Variants in IGF2R observed in about 807,000 individuals in gnomAD.
The protein encoded by IGF2R is insulin like growth factor 2 receptor, also known as cation-independent mannose-6-phosphate receptor.
A neutral mutation model predicts 270.6 loss-of-function variants in IGF2R; 91 were observed. The observed-to-expected ratio is 0.34, with a 90% CI of 0.28 to 0.40. IGF2R has a LOEUF of 0.40. Ranked by LOEUF, IGF2R falls within the 10% of genes least tolerant of loss-of-function variation. The probability of loss-of-function intolerance (pLI) is 1.00; values close to 1 mark genes in which losing one functional copy is unlikely to be tolerated. For synonymous variants in IGF2R, 1,316 were observed against 1,258.9 expected (o/e 1.05, Z -0.96); for missense variants, 2,805 against 3,188.3 (o/e 0.88, Z 2.90).
In IGF2R at chr6:160,079,360, C is replaced by G. The variant is rs8191902; in HGVS notation, c.5479-220C>G. Among the ~76,000 whole-genome samples, 862 of 152,284 alleles carry G rather than the reference C, an allele frequency of 5.7e-3. 10 individuals carry two copies. The highest frequency in any genetic ancestry group is 0.019 in the African/African-American group (797 of 41,558). Reference sequence around the variant, plus strand: ...TGGCAGGGGTGGCCGAGGCCCCCAGCAGGGAGCAGGAGGAGCAAGCAAGCT... The same window carrying G: ...TGGCAGGGGTGGCCGAGGCCCCCAGGAGGGAGCAGGAGGAGCAAGCAAGCT... On this transcript the variant is annotated intron_variant, in intron 37 of 47. Transcript: ENST00000356956.
At chr6:160,044,480 C>T in intron 12 of IGF2R, 34 bp from the exon 13 acceptor site, 1 of 1,525,498 alleles carries the variant, frequency 6.6e-7, no homozygotes, top group Non-Finnish European at 9.0e-7. Context: ...CATTTTTAAC[C>T]ACATCTTCTG....
intron 7 of IGF2R, among the ~76,000 whole-genome samples, chr6:160,031,836 C>T (rs1777704077): frequency 1.3e-5 from 2 of 152,178 alleles, no homozygotes; most frequent in African/African-American, 4.8e-5. Flanking sequence ...GTGCTAAGCC[C>T]AGTAAGTCGT....
chr6:160,038,383 T>G (rs1686600795), intron 10 of IGF2R, among the ~76,000 whole-genome samples: 1 of 152,224 alleles, frequency 6.6e-6, no homozygotes, highest in South Asian at 2.1e-4. Context: ...TCTGCTAAAA[T>G]TCTTTGAGGA....
rs769597913 is a variant in IGF2R at position 160,105,081 on chromosome 6, C to T, written c.7473C>T (p.Ile2491=). The T allele has an allele frequency of 4.5e-6, 7 of 1,571,120 alleles. No individual in the cohort carries two copies. The highest frequency in any genetic ancestry group is 6.0e-6 in the Non-Finnish European group (7 of 1,157,784). The change falls in exon 48 of 48, where the codon ATC becomes ATT. Residue 2491 remains isoleucine (I), a synonymous_variant. Coordinates refer to ENST00000356956, the MANE Select transcript of IGF2R (RefSeq NM_000876.4). ...ACAGCGACGAGGACCTCTTACACAT[C>T]TGACTCCGCAGTGCCTGCAGGGGAG... ...HDDSDEDLLH[I]
intron 1 of IGF2R, among the ~76,000 whole-genome samples, chr6:159,988,481 C>T (rs1401664862): frequency 6.9e-6 from 1 of 144,576 alleles, no homozygotes; most frequent in East Asian, 2.0e-4. Flanking sequence ...CCACTGCACT[C>T]CAGCCTGGGC....
At chr6:160,095,964 G>A (rs1404218248) in intron 44 of IGF2R, 2 of 152,466 alleles carry the variant, frequency 1.3e-5, no homozygotes, top group African/African-American at 4.8e-5. Context: ...AATGAATGAG[G>A]AATTCTTTAT....
At chr6:160,007,826 G>A (rs6455679) in intron 2 of IGF2R, among the ~76,000 whole-genome samples, 31,502 of 152,118 alleles carry the variant, frequency 0.21, 3,964 homozygotes, top group East Asian at 0.57. Context: ...TCTTTAAGCT[G>A]TTTTTTGATG....
At chr6:160,071,248 C>CTT (rs1562367030) in intron 31 of IGF2R, among the ~76,000 whole-genome samples, 8 of 133,282 alleles carry the variant, frequency 6.0e-5, no homozygotes, top group African/African-American at 2.3e-4. Flanking sequence ...TGTCGAGGCC[C>CTT]CTGTGCCCAG....
rs781099560 is a variant in IGF2R, at chr6:160,050,514, G to A, written c.2556G>A (p.Met852Ile). 1 of 1,613,740 alleles carries A rather than the reference G, an allele frequency of 6.2e-7. No homozygotes were observed. The highest frequency in any genetic ancestry group is 1.3e-5 in the African/African-American group (1 of 74,924). Residue 852 changes from methionine (M) to isoleucine (I), a missense_variant, in exon 19 of 48, where the codon ATG becomes ATA. This residue lies in a region of IGF2R where 1,851 missense variants were observed against 2,207.2 expected (regional missense o/e 0.84). Transcript: ENST00000356956. This position sits in a 1 kb window ranked among gnomAD's most constrained non-coding sequence, Gnocchi z 4.0. Reference sequence around the variant, plus strand: ...TGGTTTCCATCAGTAACTTGGGAATGGCAAAGACCGGCCCGGTGGTTGAGG... The same window carrying A: ...TGGTTTCCATCAGTAACTTGGGAATAGCAAAGACCGGCCCGGTGGTTGAGG... ...TEVVSISNLG[M>I]AKTGPVVEDS...
Position 160,064,832 on chromosome 6 carries a change from G to A in IGF2R, c.4046G>A (p.Cys1349Tyr), listed in dbSNP as rs2115265682. 6.2e-7 allele frequency: 1 copy of A among 1,613,544 alleles called. No homozygotes were observed. Among genetic ancestry groups the A allele is most frequent in the Non-Finnish European group, 8.5e-7 (1 of 1,179,436 alleles). The change falls in exon 29 of 48, where the codon TGT becomes TAT. Residue 1349 changes from cysteine (C) to tyrosine (Y), a missense_variant. By Grantham distance (194) the Cys-to-Tyr change is radical. Around this residue, in one of 2 missense-constraint regions of IGF2R, gnomAD observed 1,851 missense variants for 2,207.2 expected, o/e 0.84. Transcript: ENST00000356956. Reference sequence around the variant, plus strand: ...GTATTTCTAAAGGAGACTTCAGATTGTTCCTACTTGTTTGAGTGGCGAACG... The same window carrying A: ...GTATTTCTAAAGGAGACTTCAGATTATTCCTACTTGTTTGAGTGGCGAACG... ...RPVFLKETSDCSYLFEWRTQY... is the reference protein window; with the variant it reads ...RPVFLKETSDYSYLFEWRTQY...
chr6:160,071,334 G>A (rs1778733841), intron 31 of IGF2R, among the ~76,000 whole-genome samples: 1 of 141,096 alleles, frequency 7.1e-6, no homozygotes, highest in African/African-American at 2.6e-5. Flanking sequence ...CTGGACTGCA[G>A]CGTGGCTTAT....
intron 44 of IGF2R, chr6:160,093,311 C>T: frequency 4.2e-6 from 1 of 237,474 alleles, no homozygotes; most frequent in Non-Finnish European, 8.4e-6. Context: ...GCTCCGTATC[C>T]TGTCATTAGC....
Position 160,032,584 on chromosome 6 carries a change from T to C in IGF2R, c.916T>C (p.Cys306Arg). Reference sequence around the variant, plus strand: ...TCCCAAACTCACAGCTAAATCCAACTGCCGCTATGAAATTGAGTGGATTAC... The same window carrying C: ...TCCCAAACTCACAGCTAAATCCAACCGCCGCTATGAAATTGAGTGGATTAC... The part of the protein sequence containing the change: ...TIPKLTAKSN[C>R]RYEIEWITEY... Residue 306 changes from cysteine to arginine, a missense_variant, in exon 8 of 48, where the codon TGC becomes CGC. Coordinates refer to ENST00000356956, the MANE Select transcript of IGF2R (RefSeq NM_000876.4). The C allele has an allele frequency of 6.2e-7, 1 of 1,614,138 alleles. No individual in the cohort carries two copies. Among genetic ancestry groups the C allele is most frequent in the Non-Finnish European group, 8.5e-7 (1 of 1,180,002 alleles).
intron 39 of IGF2R, among the ~76,000 whole-genome samples, chr6:160,082,651 T>C (rs908207697): frequency 3.3e-5 from 5 of 152,146 alleles, no homozygotes; most frequent in African/African-American, 1.2e-4. Flanking sequence ...TGGTCAAATA[T>C]TGAATACCCG....
intron 17 of IGF2R, 103 bp downstream of exon 17, chr6:160,048,010 G>T: frequency 1.3e-6 from 1 of 799,894 alleles, no homozygotes; most frequent in South Asian, 1.4e-5. Flanking sequence ...GAGTGATGCT[G>T]GCTGTGGGGC....
intron 4 of IGF2R, among the ~76,000 whole-genome samples, chr6:160,023,960 C>A (rs9295120): frequency 0.12 from 17,518 of 152,080 alleles, 1,153 homozygotes; most frequent in South Asian, 0.25. Context: ...AAACCAGGAG[C>A]CTGTGGATGC....
intron 1 of IGF2R, among the ~76,000 whole-genome samples, chr6:159,978,091 C>G (rs1255154401): frequency 6.6e-6 from 1 of 152,120 alleles, no homozygotes; most frequent in Non-Finnish European, 1.5e-5. Flanking sequence ...CCAGAGCTCT[C>G]CATTAGTGTC....
intron 44 of IGF2R, among the ~76,000 whole-genome samples, chr6:160,090,873 G>A (rs927934420): frequency 1.3e-5 from 2 of 150,156 alleles, no homozygotes; most frequent in Non-Finnish European, 3.0e-5. Flanking sequence ...CCGAGAAGGA[G>A]CAGGTGCTCC....
At chr6:160,085,156 T>A (rs549711198) in intron 41 of IGF2R, 25 bp downstream of exon 41, 2 of 1,609,456 alleles carry the variant, frequency 1.2e-6, no homozygotes, top group Admixed American at 3.3e-5. Context: ...TCCTGGTCCT[T>A]GGTTCAAGGA....
Sources: allele counts gnomAD v4.1 joint callset (sites outside exome capture counted in the v4.1 genomes callset), GRCh38; gene constraint gnomAD v4.1.1; regional missense constraint gnomAD v4.1.1; non-coding constraint Gnocchi (gnomAD v3.1); transcripts MANE v1.5; gene names NCBI Gene and HGNC (gene_info 2026-07-23, HGNC 2026-07-21).